The following OTOGL variants were observed in gnomAD, a reference collection of about 807,000 sequenced individuals.
OTOGL encodes otogelin like, also known as otogelin-like protein.
A neutral mutation model predicts 318.5 loss-of-function variants in OTOGL; 285 were observed. The ratio of observed to expected loss-of-function variants is 0.89; its 90% CI spans 0.81 to 0.99. The LOEUF is 0.99. Ranked by LOEUF, OTOGL falls within the 50% of genes least tolerant of loss-of-function variation. OTOGL has a pLI of 0.00. For missense variants in OTOGL, 2,899 were observed against 2,845.6 expected, an observed-to-expected ratio of 1.02 and a Z score of -0.43; for synonymous variants, 987 against 936.5, an observed-to-expected ratio of 1.05 and a Z score of -0.99.
At chr12:80,121,213 C>T (rs1425034504) in intron 1 of OTOGL, among the ~76,000 whole-genome samples, 1 of 152,126 alleles carries the variant, frequency 6.6e-6, no homozygotes, top group African/African-American at 2.4e-5. Flanking sequence ...TAATAAACCA[C>T]CTGTTTGTGA....
chr12:80,160,216 C>A (rs1873412980), intron 1 of OTOGL, among the ~76,000 whole-genome samples: 1 of 152,044 alleles, frequency 6.6e-6, no homozygotes, highest in East Asian at 1.9e-4. Context: ...GAACCCAAAG[C>A]AAATGCAACA....
intron 26 of OTOGL, among the ~76,000 whole-genome samples, chr12:80,292,030 C>G (rs1885079221): frequency 6.6e-6 from 1 of 151,070 alleles, no homozygotes; most frequent in Admixed American, 6.6e-5. Context: ...CTCTTATTGC[C>G]CAGGCTGGAG....
In OTOGL at chr12:80,129,327, G is replaced by T. The variant is rs1871090409; in HGVS notation, c.-20+29722G>T. ...CCAACTTCTTTTAGAGAGTAGAAAG[G>T]TGTGAATAAGACTTGTCAATACTTT... On this transcript the variant is annotated intron_variant, in intron 1 of 58. Coordinates refer to ENST00000547103, the MANE Select transcript of OTOGL (RefSeq NM_001378609.3). 3.9e-5 allele frequency among the ~76,000 whole-genome samples: 6 copies of T among 152,280 alleles called. No homozygotes were observed. The South Asian group carries it at 1.0e-3, about 26-fold the overall frequency.
intron 4 of OTOGL, 92 bp from the exon 5 acceptor site, chr12:80,217,506 A>G (rs773847540): frequency 2.5e-5 from 21 of 843,060 alleles, no homozygotes; most frequent in Non-Finnish European, 3.6e-5. Context: ...TCATTTCTGT[A>G]TTTGTAGTTA....
chr12:80,364,665 T>C lies in OTOGL; in HGVS notation c.6268-1909T>C, dbSNP rs1416547037. Among the ~76,000 whole-genome samples the C allele has an allele frequency of 2.6e-5, 4 of 152,280 alleles. No individual in the cohort carries two copies. In the East Asian group the frequency reaches 7.7e-4, roughly 29 times the overall value. On this transcript the variant is annotated intron_variant, in intron 52 of 58. Transcript: ENST00000547103. ...GGTATTTCCTATAAAGAGAATTGTA[T>C]AATATGTGGTCTTTGTGTCTGGCTC...
intron 44 of OTOGL, among the ~76,000 whole-genome samples, chr12:80,345,012 ATATAT>A (rs1164346014): frequency 7.2e-6 from 1 of 139,162 alleles, no homozygotes; most frequent in East Asian, 2.0e-4. Flanking sequence ...ATATATTATT[ATATAT>A]TATATTTTAT....
At chr12:80,161,381 T>C (rs193055096) in intron 1 of OTOGL, among the ~76,000 whole-genome samples, 57 of 152,216 alleles carry the variant, frequency 3.7e-4, no homozygotes, top group Non-Finnish European at 4.7e-4. Context: ...TTGAATAATA[T>C]TGATAAGAAA....
chr12:80,253,418 TC>T, intron 13 of OTOGL, 47 bp from the exon 14 acceptor site: 2 of 1,472,994 alleles, frequency 1.4e-6, no homozygotes. Context: ...AGAAATACAA[TC>T]TTTATTATTT....
chr12:80,170,409 C>T (rs567922310), intron 1 of OTOGL, among the ~76,000 whole-genome samples: 1 of 151,884 alleles, frequency 6.6e-6, no homozygotes, highest in African/African-American at 2.4e-5. Context: ...ATATTTTCTA[C>T]TCATAGTTTG....
chr12:80,108,928 A>ATATATATATGTGTATATATATGTG (rs1401221535), intron 1 of OTOGL, among the ~76,000 whole-genome samples: 6 of 88,166 alleles, frequency 6.8e-5, no homozygotes, highest in African/African-American at 3.0e-4. Context: ...GTATATATAT[A>ATATATATATGTGTATATATATGTG]TGTGTGTGTA....
chr12:80,194,918 A>C (rs1367356802), intron 1 of OTOGL, among the ~76,000 whole-genome samples: 1 of 152,200 alleles, frequency 6.6e-6, no homozygotes, highest in Non-Finnish European at 1.5e-5. Context: ...AGTTCTTTAC[A>C]ATTTTTTTCC....
intron 26 of OTOGL, among the ~76,000 whole-genome samples, chr12:80,286,296 C>T (rs926796415): frequency 3.9e-5 from 6 of 152,168 alleles, no homozygotes; most frequent in Non-Finnish European, 8.8e-5. Context: ...TGAGGATTTT[C>T]GCATTGATGT....
chr12:80,182,518 A>G (rs2137242548), intron 1 of OTOGL, among the ~76,000 whole-genome samples: 1 of 152,356 alleles, frequency 6.6e-6, no homozygotes, highest in East Asian at 1.9e-4. Context: ...AATAATTGTA[A>G]TGCAGTGTGA....
In OTOGL at chr12:80,379,854, A is replaced by T. The variant is rs1257753755; in HGVS notation, c.*1806A>T. 5.3e-5 allele frequency: 8 copies of T among 151,980 alleles called. No individual in the cohort carries two copies. The highest frequency in any genetic ancestry group is 4.6e-4 in the Admixed American group (7 of 15,232). 9.4% of individuals were successfully genotyped at this position (151,980 alleles called of 1,614,324 possible). A position where few individuals can be genotyped will look rare whatever the true frequency, so the allele number is the denominator to read the frequency against. On this transcript the variant is annotated 3_prime_UTR_variant, in exon 59 of 59. Transcript: ENST00000547103. ...CTACATGTGCCAGGCACTATTATAA[A>T]CTCTTGGGACACAGGCAAAACTAAA...
chr12:80,323,876 G>C, intron 35 of OTOGL, 36 bp downstream of exon 35: 1 of 1,499,374 alleles, frequency 6.7e-7, no homozygotes, highest in Non-Finnish European at 9.2e-7. Context: ...TCAAAGTCCA[G>C]CCTTAGCAAA....
At chr12:80,367,888 AAC>A in intron 54 of OTOGL, 149 bp downstream of exon 54, 1 of 628,720 alleles carries the variant, frequency 1.6e-6, no homozygotes, top group African/African-American at 1.9e-5. Flanking sequence ...ATATCAATAA[AAC>A]ACAGACTTTC....
chr12:80,237,392 T>G (rs949573301), intron 9 of OTOGL, among the ~76,000 whole-genome samples: 1 of 152,080 alleles, frequency 6.6e-6, no homozygotes, highest in Non-Finnish European at 1.5e-5. Flanking sequence ...ATGGAGCAAG[T>G]GTGTGATTGG....
intron 1 of OTOGL, among the ~76,000 whole-genome samples, chr12:80,128,874 C>T (rs1299707210): frequency 6.6e-6 from 1 of 152,186 alleles, no homozygotes; most frequent in Non-Finnish European, 1.5e-5. Flanking sequence ...GTGCCGTTTG[C>T]TAAGACCATT....
intron 1 of OTOGL, among the ~76,000 whole-genome samples, chr12:80,190,359 C>CTT (rs1356800191): frequency 2.0e-4 from 31 of 152,168 alleles, no homozygotes; most frequent in African/African-American, 7.0e-4. Context: ...ATAATTAAAG[C>CTT]TGAGTTCTAC....
Sources: allele counts gnomAD v4.1 joint callset (sites outside exome capture counted in the v4.1 genomes callset), GRCh38; gene constraint gnomAD v4.1.1; transcripts MANE v1.5; gene names NCBI Gene and HGNC (gene_info 2026-07-23, HGNC 2026-07-21).